JAZF1: variants seen among roughly 807,000 people sequenced by gnomAD.
JAZF1 encodes the protein juxtaposed with another zinc finger protein 1.
A neutral mutation model predicts 26.4 loss-of-function variants in JAZF1; 8 were observed. That is an observed-to-expected ratio of 0.30 (90% CI 0.18 to 0.55). JAZF1 has a LOEUF of 0.55. JAZF1 is among the 20% of genes least tolerant of loss of function. JAZF1 has a pLI of 0.94. For synonymous variants in JAZF1, 126 were observed against 122.3 expected (o/e 1.03, Z -0.20); for missense variants, 199 against 322.0 (o/e 0.62, Z 2.92).
intron 3 of JAZF1, among the ~76,000 whole-genome samples, chr7:27,881,476 A>G (rs1254676101): frequency 6.6e-6 from 1 of 152,248 alleles, no homozygotes; most frequent in African/African-American, 2.4e-5. Context: ...AATGGCAGTG[A>G]AATACCATTC....
intron 2 of JAZF1, among the ~76,000 whole-genome samples, chr7:27,899,717 C>A (rs140031150): frequency 3.9e-5 from 6 of 152,108 alleles, no homozygotes; most frequent in South Asian, 4.1e-4. Context: ...TGAGCCACTG[C>A]GCCTGACTCA....
intron 1 of JAZF1, among the ~76,000 whole-genome samples, chr7:28,130,324 C>G (rs549560973): frequency 6.6e-6 from 1 of 152,250 alleles, no homozygotes; most frequent in South Asian, 2.1e-4. Context: ...AGGACCCTCC[C>G]CCCAACAAAA....
chr7:27,962,995 G>A (rs890785202), intron 2 of JAZF1, among the ~76,000 whole-genome samples: 1 of 152,102 alleles, frequency 6.6e-6, no homozygotes, highest in Non-Finnish European at 1.5e-5. Context: ...CACTGTGTGG[G>A]GTTAGCATTC....
At chr7:28,166,425 A>G (rs919077754) in intron 1 of JAZF1, among the ~76,000 whole-genome samples, 4 of 152,192 alleles carry the variant, frequency 2.6e-5, no homozygotes, top group African/African-American at 9.7e-5. Context: ...ACAGCCCCTT[A>G]AAGAGGAAGG....
chr7:28,148,823 C>A (rs138606041), intron 1 of JAZF1, among the ~76,000 whole-genome samples: 2 of 152,306 alleles, frequency 1.3e-5, no homozygotes, highest in East Asian at 3.9e-4. Context: ...AACAAAGGAA[C>A]GAGGCAGGAT....
chr7:28,023,660 A>G (rs1294873212), intron 1 of JAZF1, among the ~76,000 whole-genome samples: 1 of 152,222 alleles, frequency 6.6e-6, no homozygotes, highest in African/African-American at 2.4e-5. Flanking sequence ...ACTGTTAAGT[A>G]TTTTAGAATG....
intron 1 of JAZF1, among the ~76,000 whole-genome samples, chr7:28,121,799 T>C (rs988506190): frequency 1.3e-5 from 2 of 152,210 alleles, no homozygotes; most frequent in Non-Finnish European, 2.9e-5. Flanking sequence ...CCTTCAGGTG[T>C]TGTTTTACAC....
chr7:28,059,656 CCTT>C (rs1462645463), intron 1 of JAZF1, among the ~76,000 whole-genome samples: 1 of 152,122 alleles, frequency 6.6e-6, no homozygotes, highest in Non-Finnish European at 1.5e-5. Context: ...TTTAGAACCT[CCTT>C]TCATGAAAAT....
At chr7:27,835,844 C>CG (rs1210219123) in intron 4 of JAZF1, among the ~76,000 whole-genome samples, 4 of 152,116 alleles carry the variant, frequency 2.6e-5, no homozygotes, top group African/African-American at 9.6e-5. Flanking sequence ...AAATAATGGC[C>CG]GGAAACCTGA....
At chr7:28,050,845 C>T (rs1296125755) in intron 1 of JAZF1, among the ~76,000 whole-genome samples, 3 of 152,132 alleles carry the variant, frequency 2.0e-5, no homozygotes, top group African/African-American at 4.8e-5. Context: ...TTAAAGCCTA[C>T]CACAATGGCC....
At chr7:28,013,264 A>G (rs75756443) in intron 1 of JAZF1, among the ~76,000 whole-genome samples, 7,082 of 152,288 alleles carry the variant, frequency 0.047, 264 homozygotes, top group African/African-American at 0.098. Flanking sequence ...CAGACCTAGC[A>G]CAGGGCCTGC....
intron 1 of JAZF1, among the ~76,000 whole-genome samples, chr7:28,007,710 A>T (rs1044685106): frequency 1.3e-5 from 2 of 152,188 alleles, no homozygotes; most frequent in Admixed American, 6.5e-5. Flanking sequence ...GCTGGATGGG[A>T]AAGCATACAG....
intron 2 of JAZF1, among the ~76,000 whole-genome samples, chr7:27,960,494 T>C (rs1201200222): frequency 6.6e-6 from 1 of 152,188 alleles, no homozygotes; most frequent in Non-Finnish European, 1.5e-5. Flanking sequence ...GCTCTAACAA[T>C]GTCTGACAGT....
At chr7:27,939,042 C>T (rs1376633860) in intron 2 of JAZF1, among the ~76,000 whole-genome samples, 2 of 152,172 alleles carry the variant, frequency 1.3e-5, no homozygotes, top group African/African-American at 4.8e-5. Context: ...TTGCCACCAT[C>T]ACTGTTTAGC....
At position 27,945,809 on chromosome 7, in the gene JAZF1, C is replaced by T. The variant is rs114182009; in HGVS notation, c.188+46100G>A. Among the ~76,000 whole-genome samples, 576 of 152,270 alleles carry T rather than the reference C, an allele frequency of 3.8e-3. 4 individuals are homozygous for T. The highest frequency in any genetic ancestry group is 0.013 in the African/African-American group (556 of 41,550). On this transcript the variant is annotated intron_variant, in intron 2 of 4. Transcript: ENST00000283928. ...TCATGAGTGATCTAGAATTCTGGGCCAATTCACAGAATATTGACAACCATG... is the reference window on the plus strand; with the variant it reads ...TCATGAGTGATCTAGAATTCTGGGCTAATTCACAGAATATTGACAACCATG...
In JAZF1 at chr7:27,975,874, A is replaced by T. The variant is rs146112652; in HGVS notation, c.188+16035T>A. ...TAAAACATAGAGTGTCCTAAGAATG[A>T]ACTGTAGACTACTGGAGGCACAGTT... On this transcript the variant is annotated intron_variant, in intron 2 of 4. Transcript: ENST00000283928. Among the ~76,000 whole-genome samples, 797 of 152,302 alleles carry T rather than the reference A, an allele frequency of 5.2e-3. 9 individuals are homozygous for T. The highest frequency in any genetic ancestry group is 0.019 in the African/African-American group (769 of 41,552).
chr7:28,042,027 T>C (rs879283052), intron 1 of JAZF1, among the ~76,000 whole-genome samples: 27 of 152,220 alleles, frequency 1.8e-4, no homozygotes, highest in Non-Finnish European at 3.5e-4. Flanking sequence ...AATAAAGCCC[T>C]GGGTGCCTAA....
chr7:27,999,922 G>A (rs990183448), intron 1 of JAZF1, among the ~76,000 whole-genome samples: 1 of 152,144 alleles, frequency 6.6e-6, no homozygotes, highest in African/African-American at 2.4e-5. Flanking sequence ...GATGTTCAGA[G>A]GGCTATAAAA....
At chr7:27,962,892 A>T (rs1256509016) in intron 2 of JAZF1, among the ~76,000 whole-genome samples, 1 of 152,204 alleles carries the variant, frequency 6.6e-6, no homozygotes. Context: ...TCTGAAATAC[A>T]CTGCAAATCT....
Sources: allele counts gnomAD v4.1 joint callset (sites outside exome capture counted in the v4.1 genomes callset), GRCh38; gene constraint gnomAD v4.1.1; transcripts MANE v1.5; gene names NCBI Gene and HGNC (gene_info 2026-07-23, HGNC 2026-07-21).